GABRG1: variants seen among roughly 807,000 people sequenced by gnomAD.
The protein encoded by GABRG1 is gamma-aminobutyric acid type A receptor subunit gamma1.
Under a neutral mutation model 49.8 loss-of-function variants are expected in GABRG1, and 49 were observed. The observed-to-expected ratio is 0.98, with a 90% CI of 0.78 to 1.25. The LOEUF is 1.25. Ranked by LOEUF, GABRG1 falls within the 50% of genes most tolerant of loss-of-function variation. The probability of loss-of-function intolerance (pLI) is 0.00; values close to 1 mark genes in which losing one functional copy is unlikely to be tolerated. For missense variants in GABRG1, 552 were observed against 552.3 expected (o/e 1.00, Z 0.01); for synonymous variants, 232 against 185.1 (o/e 1.25, Z -2.06).
intron 1 of GABRG1, among the ~76,000 whole-genome samples, chr4:46,118,247 T>G (rs937061947): frequency 4.2e-5 from 4 of 96,068 alleles, no homozygotes; most frequent in African/African-American, 1.8e-4. Context: ...CATATAGATC[T>G]ATCTATCTAT....
intron 7 of GABRG1, among the ~76,000 whole-genome samples, chr4:46,052,292 T>C (rs1718257996): frequency 6.6e-6 from 1 of 151,592 alleles, no homozygotes; most frequent in African/African-American, 2.4e-5. Flanking sequence ...TTCTATCTAA[T>C]TGAAGTGACA....
Position 46,037,205 on chromosome 4 carries a change from C to A in GABRG1, c.*3783G>T, listed in dbSNP as rs1717564743. On this transcript the variant is annotated 3_prime_UTR_variant, in exon 9 of 9. Transcript: ENST00000295452. The stretch of plus-strand genomic sequence containing the variant: ...TTTGTATTTAGAACAGTACTTTGTA[C>A]ACAGAAAGTGCTGCATATATATTTG... 6.6e-6 allele frequency: 1 copy of A among 151,750 alleles called. No individual in the cohort carries two copies. Among genetic ancestry groups the A allele is most frequent in the African/African-American group, 2.4e-5 (1 of 41,356 alleles). 9.4% of individuals were successfully genotyped at this position (151,750 alleles called of 1,614,324 possible).
In GABRG1 at chr4:46,037,112, T is replaced by C. The variant is rs1009993124; in HGVS notation, c.*3876A>G. The stretch of plus-strand genomic sequence containing the variant: ...CAAAGTTATCCTCCCTTCCTTAAAT[T>C]GTATAACTAATCCTCTCATCTTTCT... On this transcript the variant is annotated 3_prime_UTR_variant, in exon 9 of 9. Transcript: ENST00000295452. 3.5e-4 allele frequency: 53 copies of C among 151,900 alleles called. No homozygotes were observed. Among genetic ancestry groups the C allele is most frequent in the African/African-American group, 1.2e-3 (50 of 41,424 alleles). The allele number at this position is 151,900 out of a possible 1,614,324, so 9.4% of individuals were successfully genotyped here.
At chr4:46,118,218 G>T (rs1188872086) in intron 1 of GABRG1, among the ~76,000 whole-genome samples, 6 of 146,438 alleles carry the variant, frequency 4.1e-5, no homozygotes. Flanking sequence ...CCTTTCCTCA[G>T]ATGTAAGGAT....
intron 3 of GABRG1, among the ~76,000 whole-genome samples, chr4:46,076,280 ATATG>A (rs1719322020): frequency 6.7e-6 from 1 of 148,940 alleles, no homozygotes; most frequent in Non-Finnish European, 1.5e-5. Context: ...TTCAACTAAC[ATATG>A]TATCTCTACA....
intron 3 of GABRG1, among the ~76,000 whole-genome samples, chr4:46,069,800 A>G (rs1719052607): frequency 6.6e-6 from 1 of 152,126 alleles, no homozygotes; most frequent in Non-Finnish European, 1.5e-5. Flanking sequence ...ATGAACATAT[A>G]CATCATAAAA....
At chr4:46,041,600 C>T (rs1717787043) in intron 8 of GABRG1, among the ~76,000 whole-genome samples, 1 of 151,876 alleles carries the variant, frequency 6.6e-6, no homozygotes, top group Non-Finnish European at 1.5e-5. Flanking sequence ...GTGCTATACA[C>T]ATCTTTTTTT....
chr4:46,101,473 C>A (rs1720375829), intron 1 of GABRG1, among the ~76,000 whole-genome samples: 2 of 151,370 alleles, frequency 1.3e-5, no homozygotes, highest in Admixed American at 1.3e-4. Flanking sequence ...GAATCATAAA[C>A]TCAAGGAGTC....
intron 1 of GABRG1, among the ~76,000 whole-genome samples, chr4:46,100,874 C>T (rs183598348): frequency 1.9e-3 from 285 of 150,952 alleles, no homozygotes; most frequent in Middle Eastern, 3.4e-3. Flanking sequence ...TCCTCAGTTT[C>T]GGCAATAACA....
At chr4:46,111,621 C>G (rs1560374819) in intron 1 of GABRG1, among the ~76,000 whole-genome samples, 1 of 151,322 alleles carries the variant, frequency 6.6e-6, no homozygotes, top group Non-Finnish European at 1.5e-5. Flanking sequence ...ACCAAAACAG[C>G]ATGGTACTGG....
intron 1 of GABRG1, among the ~76,000 whole-genome samples, chr4:46,122,921 CAA>C (rs928763256): frequency 9.2e-5 from 14 of 152,004 alleles, no homozygotes; most frequent in African/African-American, 2.9e-4. Context: ...TATTTTAGCT[CAA>C]GTCACCCACT....
intron 7 of GABRG1, among the ~76,000 whole-genome samples, chr4:46,056,336 G>A (rs1245285565): frequency 6.6e-6 from 1 of 151,886 alleles, no homozygotes; most frequent in Non-Finnish European, 1.5e-5. Context: ...CCCAAAGCAT[G>A]GCATAGCAGG....
In GABRG1 at chr4:46,058,375, A is replaced by T; in HGVS notation, c.764-6T>A. 6.2e-7 allele frequency: 1 copy of T among 1,600,754 alleles called. No individual in the cohort carries two copies. Among genetic ancestry groups the T allele is most frequent in the Non-Finnish European group, 8.5e-7 (1 of 1,175,486 alleles). The stretch of plus-strand genomic sequence containing the variant: ...TGTCATGATAACATAATCCCCTGTA[A>T]GAAAAAAAAGTTTTATTTTGGCTAT... On this transcript the variant is annotated splice_polypyrimidine_tract_variant and splice_region_variant and intron_variant, in intron 6 of 8. Transcript: ENST00000295452.
In GABRG1 at chr4:46,051,502, A is replaced by G. The variant is rs1577632463; in HGVS notation, c.1053T>C (p.Tyr351=). ...FIFVFAALME[Y]GTLHYFTSNQ... is the part of the protein sequence containing the mutation. ...TGCTGGTAAAATAATGCAAGGTTCC[A>G]TATTCCATCAAGGCTGCAAAAACAA... Residue 351 remains tyrosine, a synonymous_variant, in exon 8 of 9, where the codon TAT becomes TAC. Coordinates refer to ENST00000295452, the MANE Select transcript of GABRG1 (RefSeq NM_173536.4). The G allele has an allele frequency of 6.2e-7, 1 of 1,611,554 alleles. No individual in the cohort carries two copies. Among genetic ancestry groups the G allele is most frequent in the East Asian group, 2.2e-5 (1 of 44,740 alleles).
chr4:46,069,636 T>C (rs1245466658), intron 3 of GABRG1, among the ~76,000 whole-genome samples: 3 of 152,118 alleles, frequency 2.0e-5, no homozygotes, highest in Non-Finnish European at 4.4e-5. Context: ...TACTAACCCT[T>C]TGTGCTCTCT....
intron 3 of GABRG1, among the ~76,000 whole-genome samples, chr4:46,074,037 C>A (rs918975001): frequency 6.6e-6 from 1 of 152,114 alleles, no homozygotes; most frequent in Non-Finnish European, 1.5e-5. Flanking sequence ...ATAAGAAGTT[C>A]TCTGTGACAA....
At chr4:46,053,842 T>A (rs539852051) in intron 7 of GABRG1, among the ~76,000 whole-genome samples, 1 of 152,062 alleles carries the variant, frequency 6.6e-6, no homozygotes, top group Non-Finnish European at 1.5e-5. Flanking sequence ...GAGAAGAACA[T>A]AGTGGATTTT....
chr4:46,101,879 C>G (rs1437691675), intron 1 of GABRG1, among the ~76,000 whole-genome samples: 2 of 151,514 alleles, frequency 1.3e-5, no homozygotes, highest in Non-Finnish European at 3.0e-5. Flanking sequence ...TAATTGTCAT[C>G]TATGTATAAA....
At chr4:46,110,012 C>T (rs1406931379) in intron 1 of GABRG1, among the ~76,000 whole-genome samples, 1 of 150,994 alleles carries the variant, frequency 6.6e-6, no homozygotes, top group Non-Finnish European at 1.5e-5. Flanking sequence ...GAGTGTTCTA[C>T]AGATATCTGC....
Sources: allele counts gnomAD v4.1 joint callset (sites outside exome capture counted in the v4.1 genomes callset), GRCh38; gene constraint gnomAD v4.1.1; transcripts MANE v1.5; gene names NCBI Gene and HGNC (gene_info 2026-07-23, HGNC 2026-07-21).